MAPK10: variants seen among roughly 807,000 people sequenced by gnomAD.
The protein encoded by MAPK10 is JNK3 alpha protein kinase.
In MAPK10, 25 loss-of-function variants were observed where a neutral mutation model predicts 59.3. That is an observed-to-expected ratio of 0.42 (90% CI 0.31 to 0.59). The LOEUF is 0.59. MAPK10 is among the 20% of genes least tolerant of loss of function. The pLI is 0.15. For missense variants in MAPK10, 351 were observed against 568.9 expected (o/e 0.62, Z 3.90); for synonymous variants, 190 against 200.5 (o/e 0.95, Z 0.44).
intron 1 of MAPK10, among the ~76,000 whole-genome samples, chr4:86,393,629 T>A (rs983966097): frequency 3.0e-4 from 46 of 152,314 alleles, no homozygotes; most frequent in Middle Eastern, 3.4e-3. Flanking sequence ...TAGCTTTTTT[T>A]AAAAAGACAA....
chr4:86,159,393 C>T lies in MAPK10; in HGVS notation c.141G>A (p.Gln47=). Residue 47 remains glutamine, a synonymous_variant, in exon 4 of 14, where the codon CAG becomes CAA. Coordinates refer to ENST00000641462, the MANE Select transcript of MAPK10 (RefSeq NM_138982.4). ...YNMSKSKVDN[Q]FYSVEVGDST... ...AGTCTCCCACTTCCACACTGTAGAA[C>T]TGGTTGTCAACTTTGCTTTTGCTCA... is the stretch of plus-strand genomic sequence containing the variant. 1 of 1,612,752 alleles carries T rather than the reference C, an allele frequency of 6.2e-7. No individual in the cohort carries two copies. Among genetic ancestry groups the T allele is most frequent in the Non-Finnish European group, 8.5e-7 (1 of 1,179,080 alleles).
At chr4:86,413,443 C>T (rs1452368421) in intron 1 of MAPK10, among the ~76,000 whole-genome samples, 1 of 152,218 alleles carries the variant, frequency 6.6e-6, no homozygotes, top group East Asian at 1.9e-4. Context: ...CTCTTCAGAG[C>T]TGTCAGACAG....
Position 86,459,530 on chromosome 4 carries a change from G to C in MAPK10, c.-262-104886C>G, listed in dbSNP as rs184692396. Among the ~76,000 whole-genome samples, 9 of 152,248 alleles carry C rather than the reference G, an allele frequency of 5.9e-5. No homozygotes were observed. The East Asian group carries it at 1.7e-3, about 29-fold the overall frequency. On this transcript the variant is annotated intron_variant, in intron 1 of 4. Transcript: ENST00000502302. Reference sequence around the variant, plus strand: ...GCCCATCAATCAAAGAATGGATAAAGAAACTGTGAGATATGTATATATAGA... The same window carrying C: ...GCCCATCAATCAAAGAATGGATAAACAAACTGTGAGATATGTATATATAGA...
At chr4:86,486,290 C>T (rs1359748244) in intron 1 of MAPK10, among the ~76,000 whole-genome samples, 1 of 152,154 alleles carries the variant, frequency 6.6e-6, no homozygotes, top group African/African-American at 2.4e-5. Context: ...CACAGCAAGA[C>T]TCAATCTCTA....
At chr4:86,547,586 C>A (rs1267446676) in intron 1 of MAPK10, among the ~76,000 whole-genome samples, 1 of 152,198 alleles carries the variant, frequency 6.6e-6, no homozygotes, top group Non-Finnish European at 1.5e-5. Flanking sequence ...AAGAGCGCCG[C>A]CCCCTGCTCC....
chr4:86,142,514 G>A (rs920309439), intron 4 of MAPK10, among the ~76,000 whole-genome samples: 1 of 152,152 alleles, frequency 6.6e-6, no homozygotes, highest in South Asian at 2.1e-4. Context: ...AAAACAGGGT[G>A]AGGGAGACAA....
At chr4:86,044,651 T>C (rs558445288) in intron 11 of MAPK10, 8 of 396,936 alleles carry the variant, frequency 2.0e-5, no homozygotes, top group Admixed American at 8.8e-5. Flanking sequence ...AATTTGTGAA[T>C]TGTAATCAAA....
rs111279102 is a variant in MAPK10 at position 86,414,379 on chromosome 4, G to A, written c.-122+38651C>T. On this transcript the variant is annotated intron_variant, in intron 1 of 13. Transcript: ENST00000361569. ...CACTATTCATGGCTCATTGGGGCAC[G>A]TGTGATCTAGTCTAGTCAAACAGAA... is the stretch of plus-strand genomic sequence containing the variant. Among the ~76,000 whole-genome samples, 7 of 152,258 alleles carry A rather than the reference G, an allele frequency of 4.6e-5. No individual in the cohort carries two copies. The East Asian group carries it at 5.8e-4, about 13-fold the overall frequency.
chr4:86,092,565 C>T (rs554425061), intron 9 of MAPK10, among the ~76,000 whole-genome samples: 25 of 151,772 alleles, frequency 1.6e-4, no homozygotes, highest in African/African-American at 5.8e-4. Context: ...CTACTAATAT[C>T]TCTATATTAG....
At chr4:86,320,369 T>A (rs933507417) in intron 2 of MAPK10, among the ~76,000 whole-genome samples, 1 of 152,214 alleles carries the variant, frequency 6.6e-6, no homozygotes, top group African/African-American at 2.4e-5. Flanking sequence ...GAGCCTGCAG[T>A]GATAGAACTT....
chr4:86,176,206 G>A (rs183558782), intron 3 of MAPK10: 23 of 152,240 alleles, frequency 1.5e-4, no homozygotes, highest in Admixed American at 7.2e-4. Context: ...AATTAAAATA[G>A]TGTACTTAAG....
intron 8 of MAPK10, chr4:86,100,417 T>C (rs2055128813): frequency 1.3e-5 from 2 of 152,212 alleles, no homozygotes; most frequent in Admixed American, 1.3e-4. Flanking sequence ...AAGTTTTCTT[T>C]ATGAAAGCAG....
intron 1 of MAPK10, among the ~76,000 whole-genome samples, chr4:86,376,521 T>C (rs932284875): frequency 7.9e-5 from 12 of 152,188 alleles, no homozygotes; most frequent in Non-Finnish European, 1.8e-4. Flanking sequence ...TTTAAGTTGG[T>C]TGTTGAATAA....
intron 2 of MAPK10, among the ~76,000 whole-genome samples, chr4:86,197,347 T>A (rs1331977881): frequency 6.6e-6 from 1 of 152,192 alleles, no homozygotes; most frequent in Non-Finnish European, 1.5e-5. Context: ...AGTTCACTCA[T>A]GATTTGGCTC....
chr4:86,028,151 C>A (rs1317521860), intron 13 of MAPK10: 1 of 152,186 alleles, frequency 6.6e-6, no homozygotes, highest in Non-Finnish European at 1.5e-5. Flanking sequence ...TAATGAGCAA[C>A]AGGCCAAACG....
intron 1 of MAPK10, among the ~76,000 whole-genome samples, chr4:86,413,099 CT>C (rs1745409434): frequency 6.6e-6 from 1 of 150,420 alleles, no homozygotes; most frequent in African/African-American, 2.4e-5. Context: ...TGTAGATGTC[CT>C]TTTTGTTGAT....
chr4:86,327,158 TAG>T (rs1332672177), intron 2 of MAPK10: 1 of 144,878 alleles, frequency 6.9e-6, no homozygotes, highest in African/African-American at 2.5e-5. Flanking sequence ...TTTTTTTGGA[TAG>T]AGAGAGGACT....
chr4:86,225,720 A>C (rs572010613), intron 2 of MAPK10, among the ~76,000 whole-genome samples: 4 of 152,308 alleles, frequency 2.6e-5, no homozygotes, highest in African/African-American at 4.8e-5. Flanking sequence ...CTTTATGCTC[A>C]ATAGGTACTA....
chr4:86,359,127 T>C (rs1735941527), intron 1 of MAPK10, among the ~76,000 whole-genome samples: 1 of 152,142 alleles, frequency 6.6e-6, no homozygotes. Flanking sequence ...ATTTAAATTA[T>C]ACTTCTCACA....
Sources: allele counts gnomAD v4.1 joint callset (sites outside exome capture counted in the v4.1 genomes callset), GRCh38; gene constraint gnomAD v4.1.1; transcripts MANE v1.5; gene names NCBI Gene and HGNC (gene_info 2026-07-23, HGNC 2026-07-21).